OXCT1: variants seen among roughly 807,000 people sequenced by gnomAD.
The protein encoded by OXCT1 is succinyl-CoA:3-ketoacid coenzyme A transferase 1, mitochondrial.
Under a neutral mutation model 69.6 loss-of-function variants are expected in OXCT1, and 27 were observed. That is an observed-to-expected ratio of 0.39 (90% CI 0.29 to 0.54). The LOEUF is 0.54. Ranked by LOEUF, OXCT1 falls within the 20% of genes least tolerant of loss-of-function variation. The probability of loss-of-function intolerance (pLI) is 0.72; values close to 1 mark genes in which losing one functional copy is unlikely to be tolerated. For synonymous variants in OXCT1, 202 were observed against 217.8 expected, an observed-to-expected ratio of 0.93 and a Z score of 0.64; for missense variants, 437 against 650.2, an observed-to-expected ratio of 0.67 and a Z score of 3.57.
intron 16 of OXCT1, among the ~76,000 whole-genome samples, chr5:41,737,573 G>A (rs1742949140): frequency 6.6e-6 from 1 of 152,128 alleles, no homozygotes; most frequent in Non-Finnish European, 1.5e-5. Flanking sequence ...AATAGTTAAA[G>A]TATAAGCATA....
At chr5:41,829,274 AT>A (rs1171025771) in intron 7 of OXCT1, among the ~76,000 whole-genome samples, 1 of 152,196 alleles carries the variant, frequency 6.6e-6, no homozygotes, top group Admixed American at 6.5e-5. Context: ...AAAAGCCTGG[AT>A]TTACATAATA....
chr5:41,808,849 T>C (rs1346211319), intron 7 of OXCT1, among the ~76,000 whole-genome samples: 1 of 152,092 alleles, frequency 6.6e-6, no homozygotes, highest in African/African-American at 2.4e-5. Flanking sequence ...ATTCACATCT[T>C]TCCATATTCA....
chr5:41,733,661 T>C (rs1011128038), intron 16 of OXCT1, among the ~76,000 whole-genome samples: 1 of 152,224 alleles, frequency 6.6e-6, no homozygotes, highest in Non-Finnish European at 1.5e-5. Context: ...ATCCTTTTCC[T>C]TGTCATGTCA....
chr5:41,847,827 T>A (rs1748995455), intron 5 of OXCT1, among the ~76,000 whole-genome samples: 1 of 150,356 alleles, frequency 6.7e-6, no homozygotes, highest in Admixed American at 6.6e-5. Context: ...AATATCATAC[T>A]GAATGGGCAA....
At chr5:41,849,966 A>T in intron 5 of OXCT1, 64 bp downstream of exon 5, 1 of 1,527,556 alleles carries the variant, frequency 6.5e-7, no homozygotes, top group African/African-American at 1.4e-5. Context: ...TTGCCCAATG[A>T]TCCACCCAAA....
At position 41,807,957 on chromosome 5, in the gene OXCT1, A is replaced by G. The variant is rs138523910; in HGVS notation, c.733-519T>C. Among the ~76,000 whole-genome samples the G allele has an allele frequency of 5.1e-3, 772 of 152,218 alleles. 13 individuals carry two copies. Among genetic ancestry groups the G allele is most frequent in the South Asian group, 0.045 (215 of 4,828 alleles). On this transcript the variant is annotated intron_variant, in intron 7 of 16. Transcript: ENST00000196371. The stretch of plus-strand genomic sequence containing the variant: ...GTTAGCTTCCTAGGATCGTGATACA[A>G]CTGCAATTGCTGAAATAATTTACTT...
At chr5:41,787,634 C>CAAAA (rs765691863) in intron 13 of OXCT1, among the ~76,000 whole-genome samples, 11 of 34,712 alleles carry the variant, frequency 3.2e-4, no homozygotes, top group South Asian at 1.8e-3. Context: ...AAGCATTAGG[C>CAAAA]AAAAAAAAAA....
Position 41,787,634 on chromosome 5 carries a change from CAAAAAAAAAAAA to C in OXCT1, c.1248+6357_1248+6368del, listed in dbSNP as rs765691863. 8.6e-5 allele frequency among the ~76,000 whole-genome samples: 3 copies of C among 34,736 alleles called. 1 individual carries two copies. Among genetic ancestry groups the C allele is most frequent in the African/African-American group, 2.8e-4 (2 of 7,110 alleles). The allele number at this position is 34,736 out of a possible 152,430, so 22.8% of individuals were successfully genotyped here. The stretch of plus-strand genomic sequence containing the variant: ...AAAGAACCATTAAGCAAGCATTAGG[CAAAAAAAAAAAA>C]AAAAAAAAAAAAGCCCAAAACTAAC... On this transcript the variant is annotated intron_variant, in intron 13 of 16. Transcript: ENST00000196371.
At chr5:41,761,938 T>C (rs1744369940) in intron 14 of OXCT1, among the ~76,000 whole-genome samples, 173 bp downstream of exon 14, 1 of 152,298 alleles carries the variant, frequency 6.6e-6, no homozygotes, top group Non-Finnish European at 1.5e-5. Flanking sequence ...ACCATTTAGC[T>C]AAATAAATAA....
At chr5:41,835,322 T>A (rs1202850266) in intron 7 of OXCT1, among the ~76,000 whole-genome samples, 2 of 152,212 alleles carry the variant, frequency 1.3e-5, no homozygotes, top group Non-Finnish European at 2.9e-5. Context: ...TATATACACC[T>A]ACTATGTATC....
At chr5:41,860,839 A>G (rs1040615365) in intron 3 of OXCT1, among the ~76,000 whole-genome samples, 1 of 152,210 alleles carries the variant, frequency 6.6e-6, no homozygotes, top group East Asian at 1.9e-4. Context: ...AAGACCAGCC[A>G]TGTTTTTGTG....
chr5:41,785,731 C>T (rs1245239345), intron 13 of OXCT1, among the ~76,000 whole-genome samples: 1 of 152,160 alleles, frequency 6.6e-6, no homozygotes, highest in Non-Finnish European at 1.5e-5. Flanking sequence ...AAGCACATCC[C>T]AAGGCTCTTG....
chr5:41,852,242 A>G (rs1749209392), intron 4 of OXCT1, among the ~76,000 whole-genome samples: 1 of 152,128 alleles, frequency 6.6e-6, no homozygotes, highest in African/African-American at 2.4e-5. Context: ...AAATTGAGTA[A>G]ATACCAAGCC....
At chr5:41,761,298 T>C (rs1371026566) in intron 14 of OXCT1, among the ~76,000 whole-genome samples, 1 of 152,082 alleles carries the variant, frequency 6.6e-6, no homozygotes, top group Non-Finnish European at 1.5e-5. Flanking sequence ...GTTCTACTAG[T>C]TCTAACAGAA....
At chr5:41,821,634 T>C (rs1747556157) in intron 7 of OXCT1, among the ~76,000 whole-genome samples, 1 of 152,234 alleles carries the variant, frequency 6.6e-6, no homozygotes, top group South Asian at 2.1e-4. Flanking sequence ...TTCTGACTTT[T>C]AGCCATTCTA....
intron 13 of OXCT1, among the ~76,000 whole-genome samples, chr5:41,765,352 G>A (rs563783144): frequency 6.6e-6 from 1 of 152,134 alleles, no homozygotes; most frequent in South Asian, 2.1e-4. Flanking sequence ...CATCCAAAGC[G>A]ACTTTGGAAG....
Position 41,738,779 on chromosome 5 carries a change from T to C in OXCT1, c.1521+611A>G, listed in dbSNP as rs1310899202. Among the ~76,000 whole-genome samples the C allele has an allele frequency of 2.0e-5, 3 of 152,214 alleles. No individual in the cohort carries two copies. In the South Asian group the frequency reaches 6.2e-4, roughly 32 times the overall value. ...GCAATTATTTATATTCTCAGTAATA[T>C]TCTGTTTTAAAAAGGGATTTGGAGG... On this transcript the variant is annotated intron_variant, in intron 16 of 16. Transcript: ENST00000196371.
chr5:41,827,235 T>A (rs1045722572), intron 7 of OXCT1, among the ~76,000 whole-genome samples: 3 of 152,178 alleles, frequency 2.0e-5, no homozygotes, highest in Non-Finnish European at 4.4e-5. Flanking sequence ...CATTCAGATT[T>A]TTATAATTCC....
At chr5:41,782,959 C>T (rs1031901810) in intron 13 of OXCT1, among the ~76,000 whole-genome samples, 1 of 152,084 alleles carries the variant, frequency 6.6e-6, no homozygotes, top group Non-Finnish European at 1.5e-5. Context: ...GTGCTTATAG[C>T]TGAATGATAT....
Sources: gnomAD v4.1 joint callset for allele counts (sites outside exome capture counted in the v4.1 genomes callset) on GRCh38, gnomAD v4.1.1 for gene constraint, MANE v1.5 for transcripts, NCBI Gene and HGNC (gene_info 2026-07-23, HGNC 2026-07-21) for gene names.